The following SLC24A3 variants were observed in gnomAD, a reference collection of about 807,000 sequenced individuals.
The protein encoded by SLC24A3 is solute carrier family 24 member 3.
A neutral mutation model predicts 75.8 loss-of-function variants in SLC24A3; 28 were observed. That is an observed-to-expected ratio of 0.37 (90% CI 0.27 to 0.51). The LOEUF (loss-of-function observed/expected upper bound fraction) is 0.51. SLC24A3 is among the 20% of genes least tolerant of loss of function. The pLI, the probability that SLC24A3 is intolerant of heterozygous loss-of-function variation, is 0.94. For missense variants in SLC24A3, 663 were observed against 847.8 expected (o/e 0.78, Z 2.71); for synonymous variants, 372 against 334.1 (o/e 1.11, Z -1.24).
intron 2 of SLC24A3, among the ~76,000 whole-genome samples, chr20:19,408,101 A>C (rs1485697981): frequency 6.6e-6 from 1 of 152,218 alleles, no homozygotes. Flanking sequence ...TGTTGAGTAC[A>C]AATGCCTTTG....
intron 1 of SLC24A3, among the ~76,000 whole-genome samples, chr20:19,253,092 G>T (rs1026513198): frequency 6.6e-5 from 10 of 152,170 alleles, no homozygotes; most frequent in Non-Finnish European, 1.2e-4. Flanking sequence ...GCAACAGACG[G>T]GATGGTATCA....
chr20:19,644,228 G>A (rs1249964147), intron 6 of SLC24A3, among the ~76,000 whole-genome samples: 5 of 152,250 alleles, frequency 3.3e-5, no homozygotes, highest in Admixed American at 3.3e-4. Context: ...CACTTCTCAC[G>A]GGGAGGGCCG....
At chr20:19,700,853 G>T (rs892696665) in intron 15 of SLC24A3, among the ~76,000 whole-genome samples, 5 of 152,132 alleles carry the variant, frequency 3.3e-5, no homozygotes, top group Admixed American at 2.0e-4. Flanking sequence ...ACCTTTCACT[G>T]TTGTAAGTAG....
intron 1 of SLC24A3, among the ~76,000 whole-genome samples, chr20:19,237,014 C>T (rs772414357): frequency 2.6e-5 from 4 of 152,148 alleles, no homozygotes; most frequent in South Asian, 4.1e-4. Context: ...AGCCTTGCAA[C>T]GAACTTTAAA....
At chr20:19,561,001 ATT>A (rs987155746) in intron 3 of SLC24A3, among the ~76,000 whole-genome samples, 1 of 152,026 alleles carries the variant, frequency 6.6e-6, no homozygotes, top group Non-Finnish European at 1.5e-5. Context: ...AGATTCAAAT[ATT>A]TTTTTGTCTC....
intron 2 of SLC24A3, among the ~76,000 whole-genome samples, chr20:19,456,730 C>T (rs907980577): frequency 1.3e-5 from 2 of 152,220 alleles, no homozygotes; most frequent in Admixed American, 1.3e-4. Context: ...TCATGAATCC[C>T]AAACCCTAGT....
chr20:19,571,831 G>A (rs528748675), intron 3 of SLC24A3, among the ~76,000 whole-genome samples: 1 of 152,328 alleles, frequency 6.6e-6, no homozygotes, highest in South Asian at 2.1e-4. Context: ...TAGGAAGGCA[G>A]TTGTTTCTGA....
rs1982693606 is a variant in SLC24A3, at chr20:19,252,642, GC to G, written c.143-28316del. ...AAACAAAAAGCCTGAAATTGGAATGGCGGGGGGGGGTGCCTGTTCCAGAAAC... is the reference window on the plus strand; with the variant it reads ...AAACAAAAAGCCTGAAATTGGAATGGGGGGGGGGGTGCCTGTTCCAGAAAC... On this transcript the variant is annotated intron_variant, in intron 1 of 16. Transcript: ENST00000328041. 4.0e-5 allele frequency among the ~76,000 whole-genome samples: 5 copies of G among 126,316 alleles called. 1 individual carries two copies. The South Asian group carries it at 1.1e-3, about 27-fold the overall frequency. The allele number at this position is 126,316 out of a possible 152,430, so 82.9% of individuals were successfully genotyped here. A position where few individuals can be genotyped will look rare whatever the true frequency, so the allele number is the denominator to read the frequency against.
At chr20:19,619,754 T>A (rs750001135) in intron 6 of SLC24A3, among the ~76,000 whole-genome samples, 1 of 152,194 alleles carries the variant, frequency 6.6e-6, no homozygotes, top group Non-Finnish European at 1.5e-5. Flanking sequence ...GTTGTATGTA[T>A]GTTATTAAAA....
chr20:19,294,103 G>A (rs1984007326), intron 2 of SLC24A3, among the ~76,000 whole-genome samples: 2 of 152,108 alleles, frequency 1.3e-5, no homozygotes, highest in South Asian at 2.1e-4. Flanking sequence ...ATTCAATGTA[G>A]TACTTGAGAC....
chr20:19,357,263 G>C (rs181797539), intron 2 of SLC24A3, among the ~76,000 whole-genome samples: 31 of 152,296 alleles, frequency 2.0e-4, no homozygotes, highest in African/African-American at 7.5e-4. Context: ...GCTTCTGGAG[G>C]GGGCATGGCT....
chr20:19,258,946 G>A (rs538658702), intron 1 of SLC24A3, among the ~76,000 whole-genome samples: 2 of 152,320 alleles, frequency 1.3e-5, no homozygotes, highest in African/African-American at 4.8e-5. Context: ...CCAGAGAAAT[G>A]AGCCATTTCA....
At chr20:19,643,982 G>A (rs1326043917) in intron 6 of SLC24A3, among the ~76,000 whole-genome samples, 3 of 152,278 alleles carry the variant, frequency 2.0e-5, no homozygotes, top group South Asian at 2.1e-4. Flanking sequence ...TCTTTATACC[G>A]TGGAAGGAAT....
At chr20:19,254,479 G>A (rs1470384778) in intron 1 of SLC24A3, among the ~76,000 whole-genome samples, 12 of 152,214 alleles carry the variant, frequency 7.9e-5, no homozygotes. Context: ...AAAGCAGTGA[G>A]TCCAAGTGTT....
At chr20:19,663,636 C>T (rs76801998) in intron 7 of SLC24A3, among the ~76,000 whole-genome samples, 10,297 of 151,350 alleles carry the variant, frequency 0.068, 389 homozygotes, top group Middle Eastern at 0.12. Context: ...CTGCATTTCT[C>T]TTTCCCTGTC....
At chr20:19,499,056 G>T (rs1234179659) in intron 2 of SLC24A3, among the ~76,000 whole-genome samples, 2 of 152,192 alleles carry the variant, frequency 1.3e-5, no homozygotes, top group South Asian at 2.1e-4. Flanking sequence ...GGCCAGACAG[G>T]CAGTGAGTGT....
chr20:19,412,190 G>A (rs937830735), intron 2 of SLC24A3, among the ~76,000 whole-genome samples: 1 of 152,242 alleles, frequency 6.6e-6, no homozygotes, highest in East Asian at 1.9e-4. Context: ...TCCATCCAGT[G>A]CATCTTTGTT....
At chr20:19,310,559 C>T (rs754285133) in intron 2 of SLC24A3, among the ~76,000 whole-genome samples, 2 of 152,152 alleles carry the variant, frequency 1.3e-5, no homozygotes, top group Non-Finnish European at 2.9e-5. Context: ...CTGGAAGGTC[C>T]GGGTTGCTTC....
chr20:19,465,731 A>C (rs6035349), intron 2 of SLC24A3, among the ~76,000 whole-genome samples: 85,116 of 151,902 alleles, frequency 0.56, 23,994 homozygotes, highest in East Asian at 0.62. Context: ...CAGGCAAAGT[A>C]GCTGCCCAAT....
Sources: allele counts gnomAD v4.1 joint callset (sites outside exome capture counted in the v4.1 genomes callset), GRCh38; gene constraint gnomAD v4.1.1; transcripts MANE v1.5; gene names NCBI Gene and HGNC (gene_info 2026-07-23, HGNC 2026-07-21).